FAM174B: variants seen among roughly 807,000 people sequenced by gnomAD.
FAM174B encodes the protein membrane protein FAM174B.
FAM174B carries 12 observed loss-of-function variants against 10.9 expected under a neutral mutation model. The observed-to-expected ratio is 1.10, with a 90% CI of 0.71 to 1.79. The LOEUF (loss-of-function observed/expected upper bound fraction) is 1.79. FAM174B is among the 40% of genes most tolerant of loss of function. The pLI, the probability that FAM174B is intolerant of heterozygous loss-of-function variation, is 0.00. For missense variants in FAM174B, 266 were observed against 233.3 expected (o/e 1.14, Z -0.91); for synonymous variants, 132 against 115.8 (o/e 1.14, Z -0.90).
rs776970043 is a variant in FAM174B, at chr15:92,619,471, G to A, written c.477-12C>T. 1 of 1,613,496 alleles carries A rather than the reference G, an allele frequency of 6.2e-7. No homozygotes were observed. Among genetic ancestry groups the A allele is most frequent in the South Asian group, 1.1e-5 (1 of 91,032 alleles). ...GAAACAGGTTTTACCTAAAAGAAAG[G>A]GAAGGACAAGAGTAAGCCCCTTCTG... On this transcript the variant is annotated splice_polypyrimidine_tract_variant and intron_variant, in intron 2 of 2. Transcript: ENST00000327355.
rs115424385 is a variant in FAM174B at position 92,651,064 on chromosome 15, G to A, written c.344+4252C>T. ...AAGGAGAACATTTGGAAGAGACAGA[G>A]GCTCAACTATGGTAGAAAATGAAGA... is the stretch of plus-strand genomic sequence containing the variant. On this transcript the variant is annotated intron_variant, in intron 1 of 2. Coordinates refer to ENST00000327355, the MANE Select transcript of FAM174B (RefSeq NM_207446.3). Among the ~76,000 whole-genome samples the A allele has an allele frequency of 2.6e-3, 402 of 152,324 alleles. 1 individual carries two copies. Among genetic ancestry groups the A allele is most frequent in the African/African-American group, 9.4e-3 (389 of 41,566 alleles).
At chr15:92,641,558 T>C (rs114566602) in intron 1 of FAM174B, among the ~76,000 whole-genome samples, 3,326 of 152,300 alleles carry the variant, frequency 0.022, 100 homozygotes, top group South Asian at 0.08. Flanking sequence ...AAGCATAGTG[T>C]ATGTGTAAGA....
chr15:92,624,639 C>T lies in FAM174B; in HGVS notation c.477-5180G>A, dbSNP rs940443758. On this transcript the variant is annotated intron_variant, in intron 2 of 2. Coordinates refer to ENST00000327355, the MANE Select transcript of FAM174B (RefSeq NM_207446.3). ...GCCCGCAGCATTACAGTGGAAATCT[C>T]GTGGGTTTCTAATTATACTCCCAAA... Among the ~76,000 whole-genome samples, 11 of 152,356 alleles carry T rather than the reference C, an allele frequency of 7.2e-5. No individual in the cohort carries two copies. In the East Asian group the frequency reaches 1.5e-3, roughly 21 times the overall value.
In FAM174B at chr15:92,619,126, T is replaced by TA. The variant is rs975790152; in HGVS notation, c.*329dup. On this transcript the variant is annotated 3_prime_UTR_variant, in exon 3 of 3. Coordinates refer to ENST00000327355, the MANE Select transcript of FAM174B (RefSeq NM_207446.3). ...CTTTTACTATTGTCAACAATTGTCT[T>TA]AAAAAAACTTCTTTAAAATCAACAT... is the stretch of plus-strand genomic sequence containing the variant. 40 of 677,706 alleles carry TA rather than the reference T, an allele frequency of 5.9e-5. No homozygotes were observed. The Middle Eastern group carries it at 7.3e-4, about 12-fold the overall frequency. 42.0% of individuals were successfully genotyped at this position (677,706 alleles called of 1,614,324 possible).
chr15:92,634,369 A>G (rs3803523), intron 1 of FAM174B: 88,507 of 152,200 alleles, frequency 0.58, 27,900 homozygotes, highest in East Asian at 0.73. Flanking sequence ...CTGATGGCTG[A>G]CCCTGGGAGA....
chr15:92,619,475 G>C lies in FAM174B; in HGVS notation c.477-16C>G, dbSNP rs2050704220. The C allele has an allele frequency of 6.2e-7, 1 of 1,613,016 alleles. No homozygotes were observed. The highest frequency in any genetic ancestry group is 1.3e-5 in the African/African-American group (1 of 74,846). On this transcript the variant is annotated splice_polypyrimidine_tract_variant and intron_variant, in intron 2 of 2. Transcript: ENST00000327355. ...CAGGTTTTACCTAAAAGAAAGGGAA[G>C]GACAAGAGTAAGCCCCTTCTGGCAG... is the stretch of plus-strand genomic sequence containing the variant.
At chr15:92,635,805 T>G (rs1329667549) in intron 1 of FAM174B, among the ~76,000 whole-genome samples, 1 of 152,114 alleles carries the variant, frequency 6.6e-6, no homozygotes, top group Non-Finnish European at 1.5e-5. Context: ...AGTCTTGAAC[T>G]CCTGACCTCA....
intron 1 of FAM174B, among the ~76,000 whole-genome samples, chr15:92,636,856 CA>C (rs1245885655): frequency 4.6e-5 from 7 of 152,170 alleles, no homozygotes; most frequent in Admixed American, 2.6e-4. Context: ...ACTTTAGCGC[CA>C]AAAAACTCTT....
chr15:92,632,915 C>T (rs2050828823), intron 1 of FAM174B, among the ~76,000 whole-genome samples: 1 of 52,712 alleles, frequency 1.9e-5, no homozygotes, highest in Admixed American at 2.2e-4. Flanking sequence ...TAGCCTAAGA[C>T]TCTCTGCACG....
At chr15:92,631,923 C>T (rs1367826652) in intron 1 of FAM174B, among the ~76,000 whole-genome samples, 1 of 152,172 alleles carries the variant, frequency 6.6e-6, no homozygotes, top group Non-Finnish European at 1.5e-5. Flanking sequence ...AGGCCAGCCA[C>T]GGGAGAGTTG....
intron 2 of FAM174B, among the ~76,000 whole-genome samples, chr15:92,629,897 T>C (rs1167078674): frequency 1.3e-5 from 2 of 152,190 alleles, no homozygotes; most frequent in African/African-American, 2.4e-5. Flanking sequence ...TCATAAGCTC[T>C]CTTGCCTGCC....
chr15:92,630,763 TATAATA>T (rs201591456), intron 1 of FAM174B, among the ~76,000 whole-genome samples: 6 of 25,566 alleles, frequency 2.3e-4, no homozygotes, highest in South Asian at 1.4e-3. Flanking sequence ...TATAATAATA[TATAATA>T]ATAATATATT....
At chr15:92,628,370 G>A (rs1168494469) in intron 2 of FAM174B, among the ~76,000 whole-genome samples, 1 of 146,110 alleles carries the variant, frequency 6.8e-6, no homozygotes, top group Non-Finnish European at 1.5e-5. Context: ...TGTAGAAGTG[G>A]GGTTTCACCA....
intron 2 of FAM174B, chr15:92,627,346 C>A: frequency 5.9e-6 from 1 of 170,030 alleles, no homozygotes; most frequent in South Asian, 1.8e-4. Context: ...ATATGGCAGT[C>A]ATTGTCAGCC....
Position 92,655,650 on chromosome 15 carries a change from C to T in FAM174B, c.10G>A (p.Val4Met). The change falls in exon 1 of 3, where the codon GTG becomes ATG. Residue 4 changes from valine (V) to methionine (M), a missense_variant. Physicochemically the swap from Val to Met is conservative, Grantham distance 21. Coordinates refer to ENST00000327355, the MANE Select transcript of FAM174B (RefSeq NM_207446.3). The stretch of plus-strand genomic sequence containing the variant: ...GGCAGGAGCGGGGCGGGCAGCGGCA[C>T]GGCGCGCATAGTGCGGTGGGTCGGC... MRA[V>M]PLPAPLLPLL... The T allele has an allele frequency of 2.4e-6, 3 of 1,255,042 alleles. No homozygotes were observed. Among genetic ancestry groups the T allele is most frequent in the South Asian group, 6.8e-5 (2 of 29,564 alleles). The allele number at this position is 1,255,042 out of a possible 1,614,324, so 77.7% of individuals were successfully genotyped here.
At chr15:92,631,803 CA>C (rs1489411565) in intron 1 of FAM174B, among the ~76,000 whole-genome samples, 1 of 143,244 alleles carries the variant, frequency 7.0e-6, no homozygotes, top group Non-Finnish European at 1.5e-5. Context: ...GCCACAAACG[CA>C]ATATTTTAAG....
At chr15:92,648,691 A>G (rs2141964351) in intron 1 of FAM174B, among the ~76,000 whole-genome samples, 1 of 152,124 alleles carries the variant, frequency 6.6e-6, no homozygotes, top group Middle Eastern at 3.4e-3. Flanking sequence ...AGAAACGCCT[A>G]CCTGAGAGGG....
intron 1 of FAM174B, among the ~76,000 whole-genome samples, chr15:92,638,498 C>A (rs79713331): frequency 6.6e-6 from 1 of 152,118 alleles, no homozygotes; most frequent in Non-Finnish European, 1.5e-5. Flanking sequence ...CCCTCACCCA[C>A]GAAGAGAATA....
At chr15:92,641,458 A>C (rs1944807258) in intron 1 of FAM174B, among the ~76,000 whole-genome samples, 1 of 152,246 alleles carries the variant, frequency 6.6e-6, no homozygotes, top group Non-Finnish European at 1.5e-5. Context: ...ACATCCATAT[A>C]ATGAACACTA....
Sources: gnomAD v4.1 joint callset for allele counts (sites outside exome capture counted in the v4.1 genomes callset) on GRCh38, gnomAD v4.1.1 for gene constraint, MANE v1.5 for transcripts, NCBI Gene and HGNC (gene_info 2026-07-23, HGNC 2026-07-21) for gene names.